Variants in ADGRE2 observed in about 807,000 individuals in gnomAD.
ADGRE2 encodes CD97 antigen.
In ADGRE2, 83 loss-of-function variants were observed where a neutral mutation model predicts 100.8. The observed-to-expected ratio is 0.82, with a 90% confidence interval of 0.69 to 0.99. The LOEUF is 0.99. ADGRE2 is among the 50% of genes least tolerant of loss of function. The pLI is 0.00. For missense variants in ADGRE2, 814 were observed against 1,035.7 expected, an observed-to-expected ratio of 0.79 and a Z score of 2.94; for synonymous variants, 355 against 413.0, an observed-to-expected ratio of 0.86 and a Z score of 1.70.
intron 16 of ADGRE2, among the ~76,000 whole-genome samples, chr19:14,748,077 CT>C (rs1407892844): frequency 6.6e-6 from 1 of 151,966 alleles, no homozygotes; most frequent in Non-Finnish European, 1.5e-5. Flanking sequence ...TTTCGTCACC[CT>C]GGTCATCAGC....
Position 14,743,414 on chromosome 19 carries a change from T to C in ADGRE2, c.2463+6A>G, listed in dbSNP as rs749460881. 2 of 1,612,808 alleles carry C rather than the reference T, an allele frequency of 1.2e-6. No homozygotes were observed. The highest frequency in any genetic ancestry group is 2.2e-5 in the South Asian group (2 of 91,060). On this transcript the variant is annotated splice_donor_region_variant and intron_variant, in intron 20 of 20. Coordinates refer to ENST00000315576, the MANE Select transcript of ADGRE2 (RefSeq NM_013447.4). ...TGAAGTGCTCTGGAGCAATGCGTGATCTTACCGTGCTGGGTTTGGAGGTGT... is the reference window on the plus strand; with the variant it reads ...TGAAGTGCTCTGGAGCAATGCGTGACCTTACCGTGCTGGGTTTGGAGGTGT...
rs1222129684 is a variant in ADGRE2, at chr19:14,746,253, A to G, written c.2162T>C (p.Val721Ala). The G allele has an allele frequency of 7.5e-6, 12 of 1,605,270 alleles. No homozygotes were observed. The highest frequency in any genetic ancestry group is 1.0e-5 in the Non-Finnish European group (12 of 1,172,212). Reference sequence around the variant, plus strand: ...TTACCTTGTGTTCCGGAGGGTGGACACTTCACTATTGAGGGAGGAGAGTCT... The same window carrying G: ...TTACCTTGTGTTCCGGAGGGTGGACGCTTCACTATTGAGGGAGGAGAGTCT... ...KNRLSSLNSE[V>A]STLRNTRMLA... The change falls in exon 18 of 21, where the codon GTG becomes GCG. Residue 721 changes from valine to alanine, a missense_variant. Physicochemically the swap from Val to Ala is moderately conservative, Grantham distance 64. Transcript: ENST00000315576.
At position 14,768,040 on chromosome 19, in the gene ADGRE2, T is replaced by C. The variant is rs1192592830; in HGVS notation, c.356-931A>G. Among the ~76,000 whole-genome samples, 7 of 152,336 alleles carry C rather than the reference T, an allele frequency of 4.6e-5. 1 individual carries two copies. The highest frequency in any genetic ancestry group is 4.6e-4 in the Admixed American group (7 of 15,306). On this transcript the variant is annotated intron_variant, in intron 5 of 20. Coordinates refer to ENST00000315576, the MANE Select transcript of ADGRE2 (RefSeq NM_013447.4). ...GAAAAGAAGTTTATTTGGCTCATGG[T>C]TCTGCAGGCTGTGTAAGATGCATGG...
rs2147613175 is a variant in ADGRE2, at chr19:14,776,836, A to G, written c.-80T>C. 6.9e-6 allele frequency: 11 copies of G among 1,596,056 alleles called. No homozygotes were observed. In the South Asian group the frequency reaches 7.9e-5, roughly 11 times the overall value. On this transcript the variant is annotated 5_prime_UTR_variant, in exon 2 of 21. Transcript: ENST00000315576. ...GCTGTCCCGTCTCCGCAGGCTGGGC[A>G]GCTGTGCGGGCTGTCCCGAGGCCAG...
chr19:14,728,884 A>T (rs991167648), downstream of ADGRE2, among the ~76,000 whole-genome samples: 2 of 152,198 alleles, frequency 1.3e-5, no homozygotes, highest in Non-Finnish European at 1.5e-5. Flanking sequence ...TCCTTAACGC[A>T]ATCCCTGCCT....
At chr19:14,758,197 T>C (rs528015704) in intron 11 of ADGRE2, among the ~76,000 whole-genome samples, 1 of 152,342 alleles carries the variant, frequency 6.6e-6, no homozygotes, top group Admixed American at 6.5e-5. Context: ...AAAACTTCTA[T>C]TCATTAAAGT....
chr19:14,749,597 C>T (rs12982943), intron 16 of ADGRE2, among the ~76,000 whole-genome samples: 3,482 of 17,490 alleles, frequency 0.2, 117 homozygotes, highest in African/African-American at 0.43. Context: ...TTATTTATAG[C>T]TATGTTATAT....
chr19:14,726,731 G>T, the ADGRE2 span, among the ~76,000 whole-genome samples: 1 of 152,110 alleles, frequency 6.6e-6, no homozygotes, highest in Non-Finnish European at 1.5e-5. Flanking sequence ...GAATAACAAG[G>T]CTGACCTTTG....
chr19:14,732,655 AAAG>A lies in ADGRE2; in HGVS notation c.*3578_*3580del, dbSNP rs2042683175. 2 of 152,214 alleles carry A rather than the reference AAAG, an allele frequency of 1.3e-5. No individual in the cohort carries two copies. Among genetic ancestry groups the A allele is most frequent in the African/African-American group, 2.4e-5 (1 of 41,452 alleles). 9.4% of individuals were successfully genotyped at this position (152,214 alleles called of 1,614,324 possible). Reference sequence around the variant, plus strand: ...TTTTCAAATGGGTGAAAACAAATAAAAAGAAGAATGATATTTTGTGTCACATGA... The same window carrying A: ...TTTTCAAATGGGTGAAAACAAATAAAAAGAATGATATTTTGTGTCACATGA... On this transcript the variant is annotated 3_prime_UTR_variant, in exon 21 of 21. Coordinates refer to ENST00000315576, the MANE Select transcript of ADGRE2 (RefSeq NM_013447.4).
At chr19:14,738,625 G>A (rs142584633) in intron 20 of ADGRE2, among the ~76,000 whole-genome samples, 1,977 of 152,060 alleles carry the variant, frequency 0.013, 45 homozygotes, top group African/African-American at 0.045. Flanking sequence ...TGATCTGCCT[G>A]CCTCGGCCTC....
In ADGRE2 at chr19:14,755,892, C is replaced by T. The variant is rs1429470466; in HGVS notation, c.1193-15G>A. On this transcript the variant is annotated splice_polypyrimidine_tract_variant and intron_variant, in intron 12 of 20. Transcript: ENST00000315576. ...CACAGAAGGGCCTGCAGGGCGAGGC[C>T]AAGGTTGAATCTTGGAGTAGGTTGA... is the stretch of plus-strand genomic sequence containing the variant. 2 of 1,608,774 alleles carry T rather than the reference C, an allele frequency of 1.2e-6. No individual in the cohort carries two copies. Among genetic ancestry groups the T allele is most frequent in the Middle Eastern group, 1.8e-4 (1 of 5,432 alleles).
intron 20 of ADGRE2, among the ~76,000 whole-genome samples, chr19:14,738,245 A>G (rs1327376484): frequency 6.6e-6 from 1 of 152,184 alleles, no homozygotes; most frequent in African/African-American, 2.4e-5. Flanking sequence ...GTATGTCTTG[A>G]CCTCGGAGCT....
intron 15 of ADGRE2, 130 bp downstream of exon 15, chr19:14,752,199 C>T: frequency 8.6e-7 from 1 of 1,165,142 alleles, no homozygotes; most frequent in South Asian, 1.4e-5. Context: ...TCCCAAAGTG[C>T]TGGGATTACA....
intron 11 of ADGRE2, among the ~76,000 whole-genome samples, chr19:14,764,117 C>G (rs531321510): frequency 5.3e-5 from 8 of 151,976 alleles, no homozygotes; most frequent in African/African-American, 1.9e-4. Context: ...GGCTGGAGTA[C>G]AGTGATGCAA....
chr19:14,769,226 C>T (rs959828949), intron 5 of ADGRE2, among the ~76,000 whole-genome samples: 1 of 142,064 alleles, frequency 7.0e-6, no homozygotes, highest in South Asian at 2.2e-4. Context: ...ACCCCCCCCC[C>T]ATCTTTACTA....
downstream of ADGRE2, chr19:14,731,265 C>A: frequency 7.3e-7 from 1 of 1,379,092 alleles, no homozygotes. Flanking sequence ...CAAAGGATCA[C>A]TACTGGGGCT....
At chr19:14,772,151 A>G in intron 5 of ADGRE2, 191 bp downstream of exon 5, 1 of 730,092 alleles carries the variant, frequency 1.4e-6, no homozygotes, top group East Asian at 2.7e-5. Flanking sequence ...CTGGTCCCAG[A>G]GTTTTCCCTT....
intron 1 of ADGRE2, among the ~76,000 whole-genome samples, chr19:14,777,471 C>T (rs2044482138): frequency 6.9e-6 from 1 of 144,254 alleles, no homozygotes; most frequent in Non-Finnish European, 1.5e-5. Context: ...TTCTTTCTTT[C>T]TTTTTAAATT....
rs1599790958 is a variant in ADGRE2 at position 14,743,413 on chromosome 19, A to G, written c.2463+7T>C. 4 of 1,612,654 alleles carry G rather than the reference A, an allele frequency of 2.5e-6. No homozygotes were observed. In the East Asian group the frequency reaches 6.7e-5, roughly 27 times the overall value. ...GTGAAGTGCTCTGGAGCAATGCGTG[A>G]TCTTACCGTGCTGGGTTTGGAGGTG... On this transcript the variant is annotated splice_region_variant and intron_variant, in intron 20 of 20. Coordinates refer to ENST00000315576, the MANE Select transcript of ADGRE2 (RefSeq NM_013447.4).
Sources: gnomAD v4.1 joint callset for allele counts (sites outside exome capture counted in the v4.1 genomes callset) on GRCh38, gnomAD v4.1.1 for gene constraint, MANE v1.5 for transcripts, NCBI Gene and HGNC (gene_info 2026-07-23, HGNC 2026-07-21) for gene names.